PTPRD: variants seen among roughly 807,000 people sequenced by gnomAD.
The protein encoded by PTPRD is protein tyrosine phosphatase receptor type D, also known as receptor-type tyrosine-protein phosphatase delta.
PTPRD carries 34 observed loss-of-function variants against 214.5 expected under a neutral mutation model. The observed-to-expected ratio is 0.16, with a 90% CI of 0.12 to 0.21. The LOEUF (loss-of-function observed/expected upper bound fraction) is 0.21. PTPRD is among the 10% of genes least tolerant of loss of function. The probability of loss-of-function intolerance (pLI) is 1.00; values close to 1 mark genes in which losing one functional copy is unlikely to be tolerated. For missense variants in PTPRD, 2,545 were observed against 2,398.7 expected (o/e 1.06, Z -1.27); for synonymous variants, 1,128 against 845.7 (o/e 1.33, Z -5.79).
intron 11 of PTPRD, among the ~76,000 whole-genome samples, chr9:8,814,462 T>G (rs1169691393): frequency 6.6e-6 from 1 of 152,102 alleles, no homozygotes; most frequent in East Asian, 1.9e-4. Context: ...AACCTGAAGC[T>G]GAGACCAATA....
intron 4 of PTPRD, among the ~76,000 whole-genome samples, chr9:10,013,692 T>A (rs2096645914): frequency 6.6e-6 from 1 of 151,960 alleles, no homozygotes; most frequent in Non-Finnish European, 1.5e-5. Flanking sequence ...ACTGAGTTTT[T>A]AATAAAAATA....
chr9:10,589,979 T>A (rs2075020323), intron 2 of PTPRD, among the ~76,000 whole-genome samples: 1 of 151,990 alleles, frequency 6.6e-6, no homozygotes, highest in African/African-American at 2.4e-5. Flanking sequence ...CTATAGGACA[T>A]AGAAATTCAC....
intron 10 of PTPRD, among the ~76,000 whole-genome samples, chr9:9,178,605 G>A (rs967653252): frequency 2.0e-5 from 3 of 151,964 alleles, no homozygotes; most frequent in African/African-American, 7.2e-5. Flanking sequence ...CAAACTCTAA[G>A]TCTAGTTATG....
In PTPRD at chr9:9,042,616, TTTC is replaced by T. The variant is rs149664915; in HGVS notation, c.-142-23884_-142-23882del. 2.9e-3 allele frequency among the ~76,000 whole-genome samples: 131 copies of T among 45,860 alleles called. 10 individuals carry two copies. The highest frequency in any genetic ancestry group is 0.013 in the Middle Eastern group (1 of 78). The allele number at this position is 45,860 out of a possible 152,430, so 30.1% of individuals were successfully genotyped here. On this transcript the variant is annotated intron_variant, in intron 10 of 45. Coordinates refer to ENST00000381196, the MANE Select transcript of PTPRD (RefSeq NM_002839.4). The stretch of plus-strand genomic sequence containing the variant: ...ACTTAGCATTTTTTCTTTTTTTTCT[TTTC>T]TTTTTTTTTTTTTTTGGTCTATTCA...
intron 8 of PTPRD, among the ~76,000 whole-genome samples, chr9:9,415,073 T>C (rs2076602498): frequency 6.6e-6 from 1 of 152,208 alleles, no homozygotes; most frequent in East Asian, 1.9e-4. Flanking sequence ...ACTTGTTTAT[T>C]AAGTATTGTG....
chr9:9,203,165 G>A (rs937727727), intron 9 of PTPRD, among the ~76,000 whole-genome samples: 2 of 152,018 alleles, frequency 1.3e-5, no homozygotes, highest in Admixed American at 6.6e-5. Context: ...GGGAGGCGGA[G>A]GTTGCAGCGA....
intron 9 of PTPRD, among the ~76,000 whole-genome samples, chr9:9,387,783 G>C (rs2064372773): frequency 6.6e-6 from 1 of 152,144 alleles, no homozygotes; most frequent in South Asian, 2.1e-4. Flanking sequence ...CTCTAGGGGA[G>C]CATACAGATG....
intron 11 of PTPRD, among the ~76,000 whole-genome samples, chr9:9,011,715 T>G (rs2099512438): frequency 6.6e-6 from 1 of 152,160 alleles, no homozygotes; most frequent in African/African-American, 2.4e-5. Context: ...TATTTTTCAT[T>G]TTCCTTAGTG....
chr9:9,383,234 C>T (rs1438551269), intron 9 of PTPRD, among the ~76,000 whole-genome samples: 1 of 151,958 alleles, frequency 6.6e-6, no homozygotes, highest in East Asian at 1.9e-4. Flanking sequence ...TATATACTCC[C>T]TAAAGACAAG....
chr9:9,603,347 G>T (rs562752548), intron 7 of PTPRD, among the ~76,000 whole-genome samples: 1 of 152,218 alleles, frequency 6.6e-6, no homozygotes, highest in East Asian at 1.9e-4. Context: ...CAATAGCTGT[G>T]AGATGTTTAA....
chr9:8,535,616 G>T (rs945423275), intron 14 of PTPRD, among the ~76,000 whole-genome samples: 6 of 151,828 alleles, frequency 4.0e-5, no homozygotes, highest in African/African-American at 1.4e-4. Context: ...CAGGGAAGGG[G>T]CATTAAGTAT....
intron 11 of PTPRD, among the ~76,000 whole-genome samples, chr9:8,771,142 C>G (rs1032900543): frequency 2.0e-5 from 3 of 147,668 alleles, no homozygotes; most frequent in Admixed American, 2.0e-4. Context: ...GATCACACCA[C>G]TGCACTCCAG....
At chr9:8,899,583 T>C (rs987741273) in intron 11 of PTPRD, among the ~76,000 whole-genome samples, 1 of 152,120 alleles carries the variant, frequency 6.6e-6, no homozygotes, top group Non-Finnish European at 1.5e-5. Context: ...ATCCTGCAAG[T>C]GGTAGCTGTT....
At chr9:10,454,294 T>A (rs1380842205) in intron 2 of PTPRD, among the ~76,000 whole-genome samples, 2 of 151,630 alleles carry the variant, frequency 1.3e-5, no homozygotes, top group African/African-American at 4.8e-5. Context: ...ACTACCCTTC[T>A]CTATTCCTCA....
At chr9:9,325,325 C>T (rs1426558713) in intron 9 of PTPRD, among the ~76,000 whole-genome samples, 2 of 152,166 alleles carry the variant, frequency 1.3e-5, no homozygotes, top group African/African-American at 4.8e-5. Flanking sequence ...TATCCATGAG[C>T]ATGGAATGTT....
chr9:10,369,452 G>C (rs1203830835), intron 2 of PTPRD, among the ~76,000 whole-genome samples: 1 of 152,004 alleles, frequency 6.6e-6, no homozygotes, highest in African/African-American at 2.4e-5. Flanking sequence ...AAGTAGGTGA[G>C]ACAGCTGAGT....
chr9:8,354,926 A>T (rs190655234), intron 39 of PTPRD, among the ~76,000 whole-genome samples: 160 of 152,298 alleles, frequency 1.1e-3, no homozygotes, highest in African/African-American at 3.5e-3. Flanking sequence ...CTCCCACTCT[A>T]CTGCACTACT....
intron 2 of PTPRD, among the ~76,000 whole-genome samples, chr9:10,501,513 A>C (rs1215108811): frequency 6.6e-6 from 1 of 151,862 alleles, no homozygotes; most frequent in Non-Finnish European, 1.5e-5. Context: ...TCAATTATTA[A>C]ATTAAGAAGC....
intron 11 of PTPRD, among the ~76,000 whole-genome samples, chr9:8,939,176 T>C (rs1250931236): frequency 6.6e-6 from 1 of 152,212 alleles, no homozygotes; most frequent in Non-Finnish European, 1.5e-5. Context: ...TTTAAGTCTA[T>C]TGTTTATTGC....
Sources: gnomAD v4.1 joint callset for allele counts (sites outside exome capture counted in the v4.1 genomes callset) on GRCh38, gnomAD v4.1.1 for gene constraint, MANE v1.5 for transcripts, NCBI Gene and HGNC (gene_info 2026-07-23, HGNC 2026-07-21) for gene names.